NR1D2: variants seen among roughly 807,000 people sequenced by gnomAD.
NR1D2 encodes nuclear receptor subfamily 1 group D member 2.
Under a neutral mutation model 52.2 loss-of-function variants are expected in NR1D2, and 25 were observed. That is an observed-to-expected ratio of 0.48 (90% confidence interval 0.35 to 0.67). The LOEUF (loss-of-function observed/expected upper bound fraction) is 0.67. Among genes scored for constraint, NR1D2 ranks in the 30% least tolerant of loss-of-function variants. The pLI is 0.01. For missense variants in NR1D2, 681 were observed against 707.2 expected, an observed-to-expected ratio of 0.96 and a Z score of 0.42; for synonymous variants, 259 against 230.1, an observed-to-expected ratio of 1.13 and a Z score of -1.14.
chr3:23,950,496 T>G (rs1705895629), intron 1 of NR1D2, among the ~76,000 whole-genome samples: 2 of 152,248 alleles, frequency 1.3e-5, no homozygotes, highest in Non-Finnish European at 2.9e-5. Context: ...TTCATTAGGT[T>G]GAGGAACTAC....
intron 2 of NR1D2, among the ~76,000 whole-genome samples, 200 bp from the exon 3 acceptor site, chr3:23,955,827 ACAAAACAAAG>A (rs1286811362): frequency 2.0e-5 from 3 of 152,008 alleles, no homozygotes; most frequent in East Asian, 1.9e-4. Context: ...TATCTTTAAA[ACAAAACAAAG>A]CAAAACAAAA....
chr3:23,969,283 G>A (rs1331228408), intron 7 of NR1D2, among the ~76,000 whole-genome samples: 4 of 151,858 alleles, frequency 2.6e-5, no homozygotes, highest in Non-Finnish European at 2.9e-5. Flanking sequence ...GCGAGACTCC[G>A]TGTTAAAAAA....
intron 7 of NR1D2, among the ~76,000 whole-genome samples, chr3:23,973,824 T>C (rs919680254): frequency 6.6e-6 from 1 of 152,050 alleles, no homozygotes; most frequent in Non-Finnish European, 1.5e-5. Context: ...CTATAAGCTT[T>C]TTTCTATTTA....
intron 7 of NR1D2, among the ~76,000 whole-genome samples, chr3:23,975,479 T>C (rs1706699719): frequency 6.6e-6 from 1 of 152,068 alleles, no homozygotes; most frequent in African/African-American, 2.4e-5. Context: ...TTGTTAAATA[T>C]GAGATAAACT....
At chr3:23,967,705 CTTTCT>C in intron 6 of NR1D2, 103 bp from the exon 7 acceptor site, 1 of 812,854 alleles carries the variant, frequency 1.2e-6, no homozygotes, top group Non-Finnish European at 1.9e-6. Flanking sequence ...TCTTTTATAA[CTTTCT>C]TTTATATGTG....
intron 1 of NR1D2, among the ~76,000 whole-genome samples, chr3:23,951,148 G>A (rs1173644199): frequency 2.6e-5 from 4 of 152,072 alleles, no homozygotes; most frequent in South Asian, 2.1e-4. Context: ...CAGGTGATCC[G>A]CCTGCCTCGG....
rs780613527 is a variant in NR1D2, at chr3:23,979,669, C to T, written c.*2250C>T. 9.9e-5 allele frequency: 15 copies of T among 152,070 alleles called. No individual in the cohort carries two copies. Among genetic ancestry groups the T allele is most frequent in the Non-Finnish European group, 2.1e-4 (14 of 67,942 alleles). The allele number at this position is 152,070 out of a possible 1,614,324, so 9.4% of individuals were successfully genotyped here. A position where few individuals can be genotyped will look rare whatever the true frequency, so the allele number is the denominator to read the frequency against. ...CAAAATTAATAGTTCATATGTCACT[C>T]ATAGCATTTCTATATTTGAAAGTAG... On this transcript the variant is annotated 3_prime_UTR_variant, in exon 8 of 8. Coordinates refer to ENST00000312521, the MANE Select transcript of NR1D2 (RefSeq NM_005126.5).
rs768754844 is a variant in NR1D2 at position 23,962,076 on chromosome 3, A to G, written c.617A>G (p.His206Arg). The G allele has an allele frequency of 5.8e-5, 94 of 1,614,098 alleles. No homozygotes were observed. Among genetic ancestry groups the G allele is most frequent in the Non-Finnish European group, 7.8e-5 (92 of 1,180,042 alleles). ...KTMMNSQFSG[H>R]LQNDTLVEHH... ...ATGATGAACAGCCAGTTCAGTGGTC[A>G]CTTGCAAAATGACACATTAGTAGAA... The change falls in exon 5 of 8, where the codon CAC becomes CGC. Residue 206 changes from histidine to arginine, a missense_variant. Coordinates refer to ENST00000312521, the MANE Select transcript of NR1D2 (RefSeq NM_005126.5).
intron 7 of NR1D2, among the ~76,000 whole-genome samples, chr3:23,969,864 A>T (rs1265171208): frequency 6.6e-6 from 1 of 152,164 alleles, no homozygotes; most frequent in Non-Finnish European, 1.5e-5. Flanking sequence ...TGAAGGTTGA[A>T]TTATTAAGCT....
intron 7 of NR1D2, among the ~76,000 whole-genome samples, chr3:23,969,983 G>C (rs1331845624): frequency 6.6e-6 from 1 of 152,214 alleles, no homozygotes; most frequent in Non-Finnish European, 1.5e-5. Flanking sequence ...GGGGACAAAA[G>C]CCTTCAGAGT....
chr3:23,954,507 T>G (rs968322823), intron 1 of NR1D2, 30 bp from the exon 2 acceptor site: 1 of 1,592,928 alleles, frequency 6.3e-7, no homozygotes, highest in East Asian at 2.2e-5. Context: ...ATCTTGTATC[T>G]AATTATGTGA....
At chr3:23,950,122 C>T (rs1231646621) in intron 1 of NR1D2, among the ~76,000 whole-genome samples, 1 of 152,170 alleles carries the variant, frequency 6.6e-6, no homozygotes, top group Non-Finnish European at 1.5e-5. Context: ...GATTTTTACT[C>T]TTCTTACTTT....
At chr3:23,975,659 T>C (rs1706705721) in intron 7 of NR1D2, among the ~76,000 whole-genome samples, 2 of 152,034 alleles carry the variant, frequency 1.3e-5, no homozygotes, top group Non-Finnish European at 2.9e-5. Context: ...CTCAGGAGGC[T>C]GAGGCAGATA....
chr3:23,955,211 C>G (rs1015611938), intron 2 of NR1D2, among the ~76,000 whole-genome samples: 2 of 152,136 alleles, frequency 1.3e-5, no homozygotes, highest in African/African-American at 4.8e-5. Flanking sequence ...ATTGGGATAA[C>G]CAAATGAGTA....
chr3:23,960,166 T>C (rs1706199201), intron 4 of NR1D2, among the ~76,000 whole-genome samples: 3 of 152,086 alleles, frequency 2.0e-5, no homozygotes, highest in South Asian at 4.1e-4. Flanking sequence ...CCCAACACTT[T>C]GGGAGGCTGA....
chr3:23,951,295 C>G (rs1013760596), intron 1 of NR1D2, among the ~76,000 whole-genome samples: 1 of 152,170 alleles, frequency 6.6e-6, no homozygotes, highest in Non-Finnish European at 1.5e-5. Context: ...CTAGGAAAGT[C>G]TTACTTCCAA....
chr3:23,972,103 T>C (rs1417067004), intron 7 of NR1D2, among the ~76,000 whole-genome samples: 1 of 152,216 alleles, frequency 6.6e-6, no homozygotes, highest in Non-Finnish European at 1.5e-5. Flanking sequence ...TTCTTGGAAA[T>C]GTATAGTGGT....
At chr3:23,946,084 C>T (rs1371128241) in intron 1 of NR1D2, 2 of 984,494 alleles carry the variant, frequency 2.0e-6, no homozygotes, top group Non-Finnish European at 2.4e-6. Context: ...AGGCTCCGCC[C>T]CTTTGGAAGC....
At position 23,974,818 on chromosome 3, in the gene NR1D2, A is replaced by ATT. The variant is rs1355921800; in HGVS notation, c.1544-2388_1544-2387dup. 2.2e-4 allele frequency among the ~76,000 whole-genome samples: 29 copies of ATT among 134,838 alleles called. 1 individual carries two copies. The highest frequency in any genetic ancestry group is 2.4e-4 in the South Asian group (1 of 4,170). The allele number at this position is 134,838 out of a possible 152,430, so 88.5% of individuals were successfully genotyped here. A position where few individuals can be genotyped will look rare whatever the true frequency, so the allele number is the denominator to read the frequency against. On this transcript the variant is annotated intron_variant, in intron 7 of 7. Transcript: ENST00000312521. ...CCCTACCCCCACAAACCAATATCCA[A>ATT]TTTTTTTTTTTTTTTTTTGAGACAG...
Sources: gnomAD v4.1 joint callset for allele counts (sites outside exome capture counted in the v4.1 genomes callset) on GRCh38, gnomAD v4.1.1 for gene constraint, MANE v1.5 for transcripts, NCBI Gene and HGNC (gene_info 2026-07-23, HGNC 2026-07-21) for gene names.